The following PTPRM variants were observed in gnomAD, a reference collection of about 807,000 sequenced individuals.
PTPRM encodes the protein protein tyrosine phosphatase receptor type M.
In PTPRM, 47 loss-of-function variants were observed where a neutral mutation model predicts 186.7. The observed-to-expected ratio is 0.25, with a 90% CI of 0.20 to 0.32. The LOEUF (loss-of-function observed/expected upper bound fraction) is 0.32. PTPRM is among the 10% of genes least tolerant of loss of function. PTPRM has a pLI of 1.00. For synonymous variants in PTPRM, 668 were observed against 674.9 expected (o/e 0.99, Z 0.16); for missense variants, 1,494 against 1,865.0 (o/e 0.80, Z 3.66).
At chr18:7,766,185 T>C (rs79373813) in intron 1 of PTPRM, among the ~76,000 whole-genome samples, 6,066 of 152,284 alleles carry the variant, frequency 0.04, 322 homozygotes, top group African/African-American at 0.12. Context: ...GCACTGAAGC[T>C]CCTGTGTCTT....
At chr18:8,007,093 C>G (rs2084233803) in intron 7 of PTPRM, among the ~76,000 whole-genome samples, 1 of 152,158 alleles carries the variant, frequency 6.6e-6, no homozygotes, top group African/African-American at 2.4e-5. Flanking sequence ...TCTAAACCAA[C>G]CTCTCACTTG....
intron 7 of PTPRM, among the ~76,000 whole-genome samples, chr18:7,979,849 G>A (rs2082449112): frequency 6.6e-6 from 1 of 152,120 alleles, no homozygotes. Context: ...AAGTGACTTG[G>A]GACACACTTC....
chr18:7,669,218 G>A (rs1280075195), intron 1 of PTPRM, among the ~76,000 whole-genome samples: 1 of 152,044 alleles, frequency 6.6e-6, no homozygotes, highest in African/African-American at 2.4e-5. Context: ...TTCAGCAGGG[G>A]GATCCTGCTG....
At chr18:7,722,610 G>C (rs1291693778) in intron 1 of PTPRM, among the ~76,000 whole-genome samples, 4 of 152,066 alleles carry the variant, frequency 2.6e-5, no homozygotes, top group African/African-American at 9.7e-5. Context: ...TAAAAGAAAA[G>C]ATTGACAGGT....
chr18:8,390,287 A>G (rs2095802916), intron 31 of PTPRM, among the ~76,000 whole-genome samples: 1 of 152,226 alleles, frequency 6.6e-6, no homozygotes, highest in South Asian at 2.1e-4. Flanking sequence ...TTCTAGATAG[A>G]TGGTAGACCA....
At chr18:7,780,253 T>C (rs1415388681) in intron 2 of PTPRM, among the ~76,000 whole-genome samples, 2 of 152,186 alleles carry the variant, frequency 1.3e-5, no homozygotes, top group Non-Finnish European at 2.9e-5. Context: ...ATGGGCCTGG[T>C]AGATTGGGTG....
intron 14 of PTPRM, among the ~76,000 whole-genome samples, chr18:8,170,935 T>G (rs1337756399): frequency 6.6e-6 from 1 of 152,200 alleles, no homozygotes; most frequent in African/African-American, 2.4e-5. Context: ...CCACATAACT[T>G]GCAGATGCCC....
At chr18:8,250,508 T>C (rs2094518093) in intron 17 of PTPRM, among the ~76,000 whole-genome samples, 2 of 152,138 alleles carry the variant, frequency 1.3e-5, no homozygotes, top group Admixed American at 6.6e-5. Context: ...CCAGGCACTA[T>C]ATAGTGCAAG....
chr18:8,314,882 GA>G (rs751297307), intron 21 of PTPRM, 25 bp downstream of exon 21: 1 of 1,440,070 alleles, frequency 6.9e-7, no homozygotes, highest in African/African-American at 1.4e-5. Context: ...ATTTTTAATT[GA>G]TATATAATTG....
intron 1 of PTPRM, chr18:7,741,213 G>T (rs1489775039): frequency 6.6e-6 from 1 of 152,158 alleles, no homozygotes; most frequent in Non-Finnish European, 1.5e-5. Context: ...AAAATTTTTA[G>T]CATAGTGGTG....
intron 29 of PTPRM, among the ~76,000 whole-genome samples, chr18:8,382,972 A>G (rs1164260492): frequency 1.3e-5 from 2 of 152,152 alleles, no homozygotes; most frequent in African/African-American, 4.8e-5. Context: ...GCCTTTCCAT[A>G]GGCCACCTGT....
chr18:8,401,558 T>C (rs1283915769), intron 32 of PTPRM, among the ~76,000 whole-genome samples: 1 of 152,230 alleles, frequency 6.6e-6, no homozygotes, highest in Non-Finnish European at 1.5e-5. Context: ...ATCATAGAGC[T>C]TGCCTTAGTT....
intron 11 of PTPRM, among the ~76,000 whole-genome samples, chr18:8,094,583 T>A (rs1045407465): frequency 8.6e-5 from 13 of 151,978 alleles, no homozygotes; most frequent in African/African-American, 1.9e-4. Context: ...AATTAAATTT[T>A]AAAAATTTAA....
intron 2 of PTPRM, among the ~76,000 whole-genome samples, chr18:7,857,766 T>C (rs755948605): frequency 3.9e-5 from 6 of 152,202 alleles, no homozygotes; most frequent in Admixed American, 6.5e-5. Flanking sequence ...CAGCCAACTT[T>C]TTCGACATCA....
At chr18:7,601,069 A>C (rs1277176979) in intron 1 of PTPRM, among the ~76,000 whole-genome samples, 1 of 152,216 alleles carries the variant, frequency 6.6e-6, no homozygotes, top group African/African-American at 2.4e-5. Flanking sequence ...GGGGCTGCAG[A>C]AGCGGCTGGC....
At chr18:8,013,340 T>C (rs1436048785) in intron 7 of PTPRM, among the ~76,000 whole-genome samples, 1 of 152,206 alleles carries the variant, frequency 6.6e-6, no homozygotes, top group Non-Finnish European at 1.5e-5. Context: ...AAACTTCTAA[T>C]GGCCTACTGT....
In PTPRM at chr18:7,568,555, G is replaced by A. The variant is rs1363978475; in HGVS notation, c.73+664G>A. On this transcript the variant is annotated intron_variant, in intron 1 of 32. Transcript: ENST00000580170. The surrounding 1 kb of genome is among the most constrained non-coding windows in gnomAD (Gnocchi z 5.1). ...GCGGAGGGAAGCGGGCAGGTCCCCA[G>A]GCCCTGGCCACGGCCCTGCGCCCCG... Among the ~76,000 whole-genome samples, 1 of 152,168 alleles carries A rather than the reference G, an allele frequency of 6.6e-6. No homozygotes were observed. Among genetic ancestry groups the A allele is most frequent in the Non-Finnish European group, 1.5e-5 (1 of 68,012 alleles).
chr18:8,393,807 G>A (rs2095830601), intron 31 of PTPRM, among the ~76,000 whole-genome samples: 1 of 148,240 alleles, frequency 6.7e-6, no homozygotes, highest in South Asian at 2.1e-4. Flanking sequence ...GTTGTTGTTT[G>A]AGAGGGAGTC....
At chr18:8,230,509 T>A (rs1161911848) in intron 14 of PTPRM, among the ~76,000 whole-genome samples, 1 of 152,224 alleles carries the variant, frequency 6.6e-6, no homozygotes, top group Non-Finnish European at 1.5e-5. Flanking sequence ...ATGCCAGATG[T>A]CTAAAGTTCT....
Sources: allele counts gnomAD v4.1 joint callset (sites outside exome capture counted in the v4.1 genomes callset), GRCh38; gene constraint gnomAD v4.1.1; non-coding constraint Gnocchi (gnomAD v3.1); transcripts MANE v1.5; gene names NCBI Gene and HGNC (gene_info 2026-07-23, HGNC 2026-07-21).